MAP2K3: variants seen among roughly 807,000 people sequenced by gnomAD.
MAP2K3 encodes mitogen-activated protein kinase kinase 3.
MAP2K3 carries 30 observed loss-of-function variants against 46.4 expected under a neutral mutation model. That is an observed-to-expected ratio of 0.65 (90% CI 0.48 to 0.88). The LOEUF (loss-of-function observed/expected upper bound fraction) is 0.88, where lower values mean the gene tolerates loss of function less well. Ranked by LOEUF, MAP2K3 falls within the 40% of genes least tolerant of loss-of-function variation. The probability of loss-of-function intolerance (pLI) is 0.00; values close to 1 mark genes in which losing one functional copy is unlikely to be tolerated. For synonymous variants in MAP2K3, 189 were observed against 176.3 expected, an observed-to-expected ratio of 1.07 and a Z score of -0.57; for missense variants, 380 against 464.5, an observed-to-expected ratio of 0.82 and a Z score of 1.67.
At chr17:21,313,032 G>A (rs577438047) in intron 10 of MAP2K3, among the ~76,000 whole-genome samples, 2 of 152,266 alleles carry the variant, frequency 1.3e-5, no homozygotes, top group African/African-American at 4.8e-5. Context: ...GCCGGGTGCG[G>A]TGGCTCACAC....
intron 5 of MAP2K3, among the ~76,000 whole-genome samples, chr17:21,301,867 C>T (rs552039489): frequency 3.2e-4 from 49 of 152,404 alleles, no homozygotes; most frequent in African/African-American, 1.0e-3. Flanking sequence ...AGGGACCCAG[C>T]GAGGCTGTGT....
Position 21,284,873 on chromosome 17 carries a change from G to T in MAP2K3, c.-48G>T. 1 of 1,597,648 alleles carries T rather than the reference G, an allele frequency of 6.3e-7. No individual in the cohort carries two copies. The highest frequency in any genetic ancestry group is 8.5e-7 in the Non-Finnish European group (1 of 1,170,940). ...AGCGTGCTCGGCCCCGGTGGAGCCC[G>T]CAGTCCTCTAGATTAGTCTCCACCG... On this transcript the variant is annotated 5_prime_UTR_variant, in exon 1 of 12. Coordinates refer to ENST00000342679, the MANE Select transcript of MAP2K3 (RefSeq NM_145109.3).
At chr17:21,287,984 C>G in intron 1 of MAP2K3, 2 of 1,268,022 alleles carry the variant, frequency 1.6e-6, no homozygotes, top group Non-Finnish European at 2.1e-6. Flanking sequence ...CCTCTTGTGA[C>G]GCACAGGAAA....
intron 5 of MAP2K3, 76 bp from the exon 6 acceptor site, chr17:21,302,067 T>G (rs1597819192): frequency 1.1e-5 from 16 of 1,435,298 alleles, no homozygotes; most frequent in Admixed American, 5.0e-5. Flanking sequence ...CTGGGGCTGG[T>G]GCTGGGGCAG....
chr17:21,296,101 C>A, intron 1 of MAP2K3: 1 of 1,289,454 alleles, frequency 7.8e-7, no homozygotes, highest in South Asian at 1.2e-5. Context: ...CTGGTCATAT[C>A]CATGGTGACC....
In MAP2K3 at chr17:21,304,312, G is replaced by A. The variant is rs201822863; in HGVS notation, c.569-114G>A. The stretch of plus-strand genomic sequence containing the variant: ...GTGCAACCTGCCCACTGGGGCATGG[G>A]AGGGGGCACAGGAGGGGTCTTGGGC... On this transcript the variant is annotated intron_variant, in intron 7 of 11. Transcript: ENST00000342679. 3.8e-6 allele frequency: 6 copies of A among 1,571,720 alleles called. No individual in the cohort carries two copies. The Admixed American group carries it at 5.1e-5, about 13-fold the overall frequency.
intron 9 of MAP2K3, among the ~76,000 whole-genome samples, chr17:21,308,308 C>T (rs139802694): frequency 0.1 from 13,454 of 131,732 alleles, no homozygotes; most frequent in Middle Eastern, 0.13. Context: ...CCACCATGCC[C>T]GGCTAATTTT....
chr17:21,301,324 G>A (rs1009745142), intron 5 of MAP2K3, among the ~76,000 whole-genome samples: 15 of 152,418 alleles, frequency 9.8e-5, no homozygotes, highest in Non-Finnish European at 5.9e-5. Context: ...CATATGGGGC[G>A]TGGGGTGCCC....
chr17:21,307,377 C>T (rs1976942011), intron 9 of MAP2K3, among the ~76,000 whole-genome samples: 1 of 152,274 alleles, frequency 6.6e-6, no homozygotes, highest in African/African-American at 2.4e-5. Flanking sequence ...AAGACTGGAG[C>T]AGGTAGGGGT....
chr17:21,300,616 G>C lies in MAP2K3; in HGVS notation c.237G>C (p.Glu79Asp), dbSNP rs747661001. Residue 79 changes from glutamate to aspartate, a missense_variant, in exon 4 of 12, where the codon GAG becomes GAC. Coordinates refer to ENST00000342679, the MANE Select transcript of MAP2K3 (RefSeq NM_145109.3). ...GCCGTGGAGCCTATGGGGTGGTAGA[G>C]AAGGTGCGGCACGCCCAGAGCGGCA... is the stretch of plus-strand genomic sequence containing the variant. ...ELGRGAYGVV[E>D]KVRHAQSGTI... 5.6e-6 allele frequency: 9 copies of C among 1,612,878 alleles called. No individual in the cohort carries two copies. Among genetic ancestry groups the C allele is most frequent in the Non-Finnish European group, 7.6e-6 (9 of 1,179,534 alleles).
Position 21,284,781 on chromosome 17 carries a change from C to G in MAP2K3, c.-140C>G. 2.8e-6 allele frequency: 2 copies of G among 707,560 alleles called. No individual in the cohort carries two copies. Among genetic ancestry groups the G allele is most frequent in the Middle Eastern group, 4.3e-4 (1 of 2,300 alleles). 43.8% of individuals were successfully genotyped at this position (707,560 alleles called of 1,614,324 possible). ...TCGCCGCCGCAGTCCTCGCCGCAGT[C>G]GCCGCCGCCGCCGCCGCCGCCGCCG... On this transcript the variant is annotated 5_prime_UTR_variant, in exon 1 of 12. Transcript: ENST00000342679.
intron 9 of MAP2K3, among the ~76,000 whole-genome samples, chr17:21,309,844 T>C (rs1977079543): frequency 6.6e-6 from 1 of 152,126 alleles, no homozygotes; most frequent in African/African-American, 2.4e-5. Flanking sequence ...AAACTCGTGA[T>C]CCACCCACCT....
At chr17:21,299,003 T>TCC in intron 3 of MAP2K3, 77 bp downstream of exon 3, 3 of 1,598,756 alleles carry the variant, frequency 1.9e-6, no homozygotes, top group South Asian at 2.2e-5. Flanking sequence ...GCAGGGCCAC[T>TCC]TTGGGGGGAG....
At chr17:21,290,251 C>T (rs1308666606) in intron 1 of MAP2K3, among the ~76,000 whole-genome samples, 33 of 152,084 alleles carry the variant, frequency 2.2e-4, no homozygotes, top group Admixed American at 1.8e-3. Context: ...GTTGCTTTGG[C>T]GGTGTCAGTT....
intron 7 of MAP2K3, 95 bp from the exon 8 acceptor site, chr17:21,304,331 C>G: frequency 3.1e-6 from 5 of 1,596,330 alleles, no homozygotes; most frequent in Non-Finnish European, 4.3e-6. Flanking sequence ...CAGGAGGGGT[C>G]TTGGGCGAGG....
At chr17:21,288,032 G>C (rs1216972579) in intron 1 of MAP2K3, 15 of 1,289,094 alleles carry the variant, frequency 1.2e-5, no homozygotes, top group Non-Finnish European at 1.4e-5. Context: ...CGCCCAAAGG[G>C]AGCAAAGTTC....
intron 1 of MAP2K3, chr17:21,287,855 A>G (rs569202001): frequency 1.1e-4 from 41 of 380,118 alleles, no homozygotes; most frequent in South Asian, 7.7e-4. Context: ...TGACTGCCCG[A>G]TGGTGACACT....
In MAP2K3 at chr17:21,300,614, G is replaced by C; in HGVS notation, c.235G>C (p.Glu79Gln). 1 of 1,613,022 alleles carries C rather than the reference G, an allele frequency of 6.2e-7. No individual in the cohort carries two copies. Among genetic ancestry groups the C allele is most frequent in the Non-Finnish European group, 8.5e-7 (1 of 1,179,550 alleles). The change falls in exon 4 of 12, where the codon GAG (glutamate) becomes CAG (glutamine). Residue 79 changes from glutamate (E) to glutamine (Q), a missense_variant. Around this residue, in one of 5 missense-constraint regions of MAP2K3, gnomAD observed 294 missense variants for 275.4 expected, o/e 1.07. Coordinates refer to ENST00000342679, the MANE Select transcript of MAP2K3 (RefSeq NM_145109.3). ...GGGCCGTGGAGCCTATGGGGTGGTAGAGAAGGTGCGGCACGCCCAGAGCGG... is the reference window on the plus strand; with the variant it reads ...GGGCCGTGGAGCCTATGGGGTGGTACAGAAGGTGCGGCACGCCCAGAGCGG... ...ELGRGAYGVV[E>Q]KVRHAQSGTI... is the part of the protein sequence containing the mutation.
rs2363188 is a variant in MAP2K3, at chr17:21,314,558, A to C, written c.*328A>C. 6.0e-6 allele frequency: 2 copies of C among 330,798 alleles called. No individual in the cohort carries two copies. The highest frequency in any genetic ancestry group is 1.1e-5 in the Non-Finnish European group (2 of 176,504). 20.5% of individuals were successfully genotyped at this position (330,798 alleles called of 1,614,324 possible). A position where few individuals can be genotyped will look rare whatever the true frequency, so the allele number is the denominator to read the frequency against. ...TGCTGCCCCTGCACAGCAGGCTGCC[A>C]GTGCCTGGGTGGATGGGCCACCGCC... On this transcript the variant is annotated 3_prime_UTR_variant, in exon 12 of 12. Transcript: ENST00000342679.
Sources: allele counts gnomAD v4.1 joint callset (sites outside exome capture counted in the v4.1 genomes callset), GRCh38; gene constraint gnomAD v4.1.1; regional missense constraint gnomAD v4.1.1; transcripts MANE v1.5; gene names NCBI Gene and HGNC (gene_info 2026-07-23, HGNC 2026-07-21).